The following RERG variants were observed in gnomAD, a reference collection of about 807,000 sequenced individuals.
RERG encodes RAS like estrogen regulated growth inhibitor.
Under a neutral mutation model 23.2 loss-of-function variants are expected in RERG, and 25 were observed. That is an observed-to-expected ratio of 1.08 (90% CI 0.79 to 1.50). The LOEUF (loss-of-function observed/expected upper bound fraction) is 1.50, where lower values mean the gene tolerates loss of function less well. Ranked by LOEUF, RERG falls within the 40% of genes most tolerant of loss-of-function variation. The probability of loss-of-function intolerance (pLI) is 0.00; values close to 1 mark genes in which losing one functional copy is unlikely to be tolerated. For synonymous variants in RERG, 81 were observed against 89.1 expected, an observed-to-expected ratio of 0.91 and a Z score of 0.51; for missense variants, 253 against 250.1, an observed-to-expected ratio of 1.01 and a Z score of -0.08.
intron 2 of RERG, among the ~76,000 whole-genome samples, chr12:15,210,115 C>G (rs983948083): frequency 6.6e-6 from 1 of 152,160 alleles, no homozygotes; most frequent in Non-Finnish European, 1.5e-5. Flanking sequence ...ATTTTGGCTT[C>G]AAGGCCAGTA....
chr12:15,170,344 A>G (rs1182422310), intron 2 of RERG, among the ~76,000 whole-genome samples: 1 of 152,046 alleles, frequency 6.6e-6, no homozygotes, highest in Non-Finnish European at 1.5e-5. Context: ...GGGTGTGTGT[A>G]GGGGGAAGGG....
At chr12:15,115,203 A>G (rs894030671) in intron 3 of RERG, among the ~76,000 whole-genome samples, 2 of 152,268 alleles carry the variant, frequency 1.3e-5, no homozygotes, top group Non-Finnish European at 2.9e-5. Flanking sequence ...TACTGCTTCT[A>G]TTTGAACAAC....
At chr12:15,144,712 T>G (rs1177115393) in intron 2 of RERG, among the ~76,000 whole-genome samples, 4 of 152,188 alleles carry the variant, frequency 2.6e-5, no homozygotes, top group Non-Finnish European at 5.9e-5. Context: ...CAATCTAGGC[T>G]TTCAAGCTAT....
chr12:15,110,682 G>C (rs1300403878), intron 4 of RERG, among the ~76,000 whole-genome samples: 1 of 151,790 alleles, frequency 6.6e-6, no homozygotes, highest in Non-Finnish European at 1.5e-5. Flanking sequence ...ATTTCACCAT[G>C]TTAGCCAGGA....
At chr12:15,206,862 T>C (rs1429248107) in intron 2 of RERG, among the ~76,000 whole-genome samples, 2 of 152,128 alleles carry the variant, frequency 1.3e-5, no homozygotes, top group Non-Finnish European at 2.9e-5. Context: ...TTGATCACTG[T>C]TAGGCACTTT....
intron 2 of RERG, among the ~76,000 whole-genome samples, chr12:15,181,467 T>C (rs1407013079): frequency 6.6e-6 from 1 of 152,204 alleles, no homozygotes; most frequent in Admixed American, 6.5e-5. Flanking sequence ...GATGACAGTG[T>C]AGGGTGTTGG....
rs150170626 is a variant in RERG at position 15,136,452 on chromosome 12, C to A, written c.62-15333G>T. 9.2e-3 allele frequency among the ~76,000 whole-genome samples: 1,404 copies of A among 151,872 alleles called. 23 individuals carry two copies. Among genetic ancestry groups the A allele is most frequent in the African/African-American group, 0.033 (1,362 of 41,484 alleles). The stretch of plus-strand genomic sequence containing the variant: ...CTGTTTATTTTGTGTTTAATTCACT[C>A]TTCTATTTCTAGTTTCCTAGAAATA... On this transcript the variant is annotated intron_variant, in intron 2 of 4. Transcript: ENST00000256953.
chr12:15,177,034 T>C (rs2136126166), intron 2 of RERG, among the ~76,000 whole-genome samples: 1 of 152,374 alleles, frequency 6.6e-6, no homozygotes, highest in South Asian at 2.1e-4. Context: ...TAATTGATTT[T>C]ATTGAAGATG....
intron 2 of RERG, among the ~76,000 whole-genome samples, chr12:15,148,925 G>A (rs187416738): frequency 3.8e-5 from 5 of 132,628 alleles, no homozygotes; most frequent in Non-Finnish European, 3.1e-5. Flanking sequence ...CTGGACTGCA[G>A]TGGCGCCGTC....
At chr12:15,182,262 T>G (rs1864934638) in intron 2 of RERG, among the ~76,000 whole-genome samples, 1 of 152,078 alleles carries the variant, frequency 6.6e-6, no homozygotes, top group Non-Finnish European at 1.5e-5. Flanking sequence ...TTCTCCATGT[T>G]GGTCAGGCTG....
At chr12:15,177,326 G>A (rs908551499) in intron 2 of RERG, among the ~76,000 whole-genome samples, 2 of 152,138 alleles carry the variant, frequency 1.3e-5, no homozygotes, top group Non-Finnish European at 2.9e-5. Context: ...GGTGGTACAT[G>A]CCTGTAATCC....
At chr12:15,124,280 A>T (rs1446293772) in intron 2 of RERG, among the ~76,000 whole-genome samples, 1 of 89,902 alleles carries the variant, frequency 1.1e-5, no homozygotes, top group East Asian at 3.0e-4. Context: ...AATTCCTGAC[A>T]TCATTATCAA....
intron 2 of RERG, among the ~76,000 whole-genome samples, chr12:15,168,217 C>A (rs1864724305): frequency 6.6e-6 from 1 of 152,202 alleles, no homozygotes; most frequent in South Asian, 2.1e-4. Context: ...TGGTCCCCTG[C>A]AGCTTTAATC....
chr12:15,152,407 G>A (rs1864458242), intron 2 of RERG, among the ~76,000 whole-genome samples: 1 of 152,180 alleles, frequency 6.6e-6, no homozygotes, highest in Non-Finnish European at 1.5e-5. Flanking sequence ...ATTATCCATA[G>A]TGTTTCCCCT....
At chr12:15,141,835 C>T (rs1864243238) in intron 2 of RERG, among the ~76,000 whole-genome samples, 2 of 152,198 alleles carry the variant, frequency 1.3e-5, no homozygotes, top group Non-Finnish European at 2.9e-5. Context: ...TCTAGAGCTC[C>T]CTTATCCAGC....
chr12:15,217,364 A>G lies in RERG; in HGVS notation c.61+65T>C, dbSNP rs1400364952. The G allele has an allele frequency of 3.9e-5, 42 of 1,075,300 alleles. No individual in the cohort carries two copies. In the Admixed American group the frequency reaches 6.9e-4, roughly 18 times the overall value. 66.6% of individuals were successfully genotyped at this position (1,075,300 alleles called of 1,614,324 possible). On this transcript the variant is annotated intron_variant, in intron 2 of 4. Coordinates refer to ENST00000256953, the MANE Select transcript of RERG (RefSeq NM_032918.3). ...ACTACTCACCTGCCCAATCCCAAGA[A>G]ACAGTAATAAAGAAACACACTCACC...
At chr12:15,131,564 G>C (rs1864046816) in intron 2 of RERG, among the ~76,000 whole-genome samples, 1 of 152,020 alleles carries the variant, frequency 6.6e-6, no homozygotes, top group African/African-American at 2.4e-5. Flanking sequence ...TGTTACTAGG[G>C]CACATAAGAA....
chr12:15,153,937 G>A (rs1028283161), intron 2 of RERG, among the ~76,000 whole-genome samples: 1 of 152,102 alleles, frequency 6.6e-6, no homozygotes, highest in Non-Finnish European at 1.5e-5. Context: ...GGGAAATTTG[G>A]ACACAGAGAC....
chr12:15,217,576 A>T lies in RERG; in HGVS notation c.-87T>A, dbSNP rs917501816. 2 of 943,502 alleles carry T rather than the reference A, an allele frequency of 2.1e-6. No homozygotes were observed. Among genetic ancestry groups the T allele is most frequent in the Non-Finnish European group, 3.5e-6 (2 of 574,052 alleles). 58.4% of individuals were successfully genotyped at this position (943,502 alleles called of 1,614,324 possible). On this transcript the variant is annotated 5_prime_UTR_variant, in exon 2 of 5. It removes an upstream start codon present in the reference 5' UTR. Coordinates refer to ENST00000256953, the MANE Select transcript of RERG (RefSeq NM_032918.3). Reference sequence around the variant, plus strand: ...TTCCAGTCTTTGGATTCACCATATCATTGTGAATCTTGGAAGAGTCCACAA... The same window carrying T: ...TTCCAGTCTTTGGATTCACCATATCTTTGTGAATCTTGGAAGAGTCCACAA...
Sources: allele counts gnomAD v4.1 joint callset (sites outside exome capture counted in the v4.1 genomes callset), GRCh38; gene constraint gnomAD v4.1.1; transcripts MANE v1.5; gene names NCBI Gene and HGNC (gene_info 2026-07-23, HGNC 2026-07-21).